Variants in ZAN observed in about 807,000 individuals in gnomAD.
ZAN encodes zonadhesin, also known as zonadhesin (gene/pseudogene).
ZAN carries 260 observed loss-of-function variants against 286.2 expected under a neutral mutation model. The observed-to-expected ratio is 0.91, with a 90% CI of 0.82 to 1.01. ZAN has a LOEUF of 1.01. Ranked by LOEUF, ZAN falls within the 50% of genes least tolerant of loss-of-function variation. The pLI is 0.00. For missense variants in ZAN, 3,410 were observed against 3,639.2 expected (o/e 0.94, Z 1.62); for synonymous variants, 1,368 against 1,417.5 (o/e 0.97, Z 0.79).
rs1044316674 is a variant in ZAN, at chr7:100,766,605, G to A, written c.4551G>A (p.Trp1517Ter). The A allele has an allele frequency of 1.9e-6, 3 of 1,556,732 alleles. No homozygotes were observed. The Admixed American group carries it at 5.8e-5, about 30-fold the overall frequency. ...ACAACAGAATTCGCTGCCAGCCCTG[G>A]AGGTGTAGGGCCCAGGAGTTCTGTG... ...ESNNRIRCQPWRCRAQEFCGQ... is the reference protein window; with the variant it reads ...ESNNRIRCQP Residue 1517 changes from tryptophan to a stop codon, truncating the protein, a stop_gained, in exon 24 of 48, where the codon TGG (tryptophan) becomes TGA (stop). Coordinates refer to ENST00000613979, the MANE Select transcript of ZAN (RefSeq NM_003386.3). LOFTEE classifies it high-confidence loss of function.
rs768028227 is a variant in ZAN, at chr7:100,795,337, G to A, written c.8266+1G>A. The A allele has an allele frequency of 1.9e-6, 3 of 1,583,298 alleles. No homozygotes were observed. Among genetic ancestry groups the A allele is most frequent in the East Asian group, 2.3e-5 (1 of 43,704 alleles). ...GATGCGCCACCTCCCAGAAAGCCAG[G>A]TGAGGGCATCGTCCAAGGCCCTGTA... On this transcript the variant is annotated splice_donor_variant, in intron 45 of 47. Coordinates refer to ENST00000613979, the MANE Select transcript of ZAN (RefSeq NM_003386.3). LOFTEE classifies it high-confidence loss of function.
Position 100,758,569 on chromosome 7 carries a change from T to C in ZAN, c.3490T>C (p.Tyr1164His). Reference protein sequence around the residue: ...ATCLVYGDPHYVTFDGRHFGF... With the variant: ...ATCLVYGDPHHVTFDGRHFGF... ...CTGCTTGGTCTACGGAGACCCTCAT[T>C]ATGTCACCTTTGACGGGAGGCACTT... Residue 1164 changes from tyrosine to histidine, a missense_variant, in exon 17 of 48, where the codon TAT becomes CAT. Physicochemically the swap from Tyr to His is moderately conservative, Grantham distance 83 (BLOSUM62 2). Around this residue, in one of 7 missense-constraint regions of ZAN, gnomAD observed 1,042 missense variants for 1,058.0 expected, o/e 0.98. Coordinates refer to ENST00000613979, the MANE Select transcript of ZAN (RefSeq NM_003386.3). The C allele has an allele frequency of 6.4e-7, 1 of 1,565,942 alleles. No homozygotes were observed. The highest frequency in any genetic ancestry group is 1.9e-5 in the Admixed American group (1 of 52,662).
chr7:100,785,971 T>C, intron 36 of ZAN, 26 bp from the exon 37 acceptor site: 1 of 1,605,176 alleles, frequency 6.2e-7, no homozygotes, highest in Admixed American at 1.7e-5. Flanking sequence ...CTCCTCACTC[T>C]CTTTCTCTTC....
intron 39 of ZAN, 90 bp downstream of exon 39, chr7:100,789,437 C>T (rs1811792317): frequency 1.9e-5 from 29 of 1,553,492 alleles, no homozygotes; most frequent in Non-Finnish European, 2.3e-5. Flanking sequence ...TCCTGGTGAG[C>T]AGACTCGGCC....
At chr7:100,743,425 CT>C (rs1456015427) in intron 7 of ZAN, among the ~76,000 whole-genome samples, 1 of 152,062 alleles carries the variant, frequency 6.6e-6, no homozygotes, top group Non-Finnish European at 1.5e-5. Context: ...TGACTTCTTC[CT>C]TTTCTCTCTC....
chr7:100,783,647 T>A (rs1409864882), intron 35 of ZAN, among the ~76,000 whole-genome samples: 2 of 138,258 alleles, frequency 1.4e-5, no homozygotes, highest in Non-Finnish European at 3.0e-5. Flanking sequence ...AGTAGGAGAA[T>A]CTCTGGAACC....
intron 37 of ZAN, 49 bp downstream of exon 37, chr7:100,786,190 G>T: frequency 6.2e-7 from 1 of 1,607,512 alleles, no homozygotes; most frequent in South Asian, 1.1e-5. Context: ...CTGTGGCCAG[G>T]GCGGAGGTGG....
chr7:100,736,707 G>A, intron 4 of ZAN, 78 bp downstream of exon 4: 1 of 1,486,166 alleles, frequency 6.7e-7, no homozygotes, highest in South Asian at 1.2e-5. Context: ...GAGAGAGAAG[G>A]GAGGCAGCCA....
intron 27 of ZAN, 79 bp from the exon 28 acceptor site, chr7:100,769,801 C>A: frequency 7.5e-7 from 1 of 1,326,510 alleles, no homozygotes; most frequent in South Asian, 1.3e-5. Flanking sequence ...CCTGCCTTGG[C>A]TTCCCAAAGT....
At chr7:100,750,076 A>ACG (rs1808541842) in intron 11 of ZAN, among the ~76,000 whole-genome samples, 2 of 148,590 alleles carry the variant, frequency 1.3e-5, no homozygotes, top group Non-Finnish European at 3.0e-5. Context: ...ACACACACAC[A>ACG]CACACACACA....
In ZAN at chr7:100,792,032, C is replaced by A; in HGVS notation, c.7596C>A (p.Ser2532=). 6.2e-7 allele frequency: 1 copy of A among 1,613,292 alleles called. No individual in the cohort carries two copies. Among genetic ancestry groups the A allele is most frequent in the Non-Finnish European group, 8.5e-7 (1 of 1,179,784 alleles). The change falls in exon 41 of 48, where the codon TCC becomes TCA. Residue 2532 remains serine, a synonymous_variant. Coordinates refer to ENST00000613979, the MANE Select transcript of ZAN (RefSeq NM_003386.3). ...ELGLRTGLQV[S]ECSPEQLASN... ...GCCTCCGCACGGGCCTCCAAGTGTCCGAATGTAGCCCGGAGCAGCTGGCGA... is the reference window on the plus strand; with the variant it reads ...GCCTCCGCACGGGCCTCCAAGTGTCAGAATGTAGCCCGGAGCAGCTGGCGA...
chr7:100,789,248 A>T lies in ZAN; in HGVS notation c.7258A>T (p.Arg2420Trp). The change falls in exon 39 of 48, where the codon AGG becomes TGG. Residue 2420 changes from arginine (R) to tryptophan (W), a missense_variant. This residue lies in a region of ZAN where 1,289 missense variants were observed against 1,314.3 expected (regional missense o/e 0.98). Transcript: ENST00000613979. ...VNNQKMAVPYRPNEHLRVTLW... is the reference protein window; with the variant it reads ...VNNQKMAVPYWPNEHLRVTLW... ...CAACCAGAAGATGGCCGTCCCCTAC[A>T]GGCCAAATGAACACCTGCGGGTCAC... is the stretch of plus-strand genomic sequence containing the variant. 1 of 1,613,888 alleles carries T rather than the reference A, an allele frequency of 6.2e-7. No homozygotes were observed. The highest frequency in any genetic ancestry group is 8.5e-7 in the Non-Finnish European group (1 of 1,179,854).
chr7:100,760,428 C>A lies in ZAN; in HGVS notation c.3734C>A (p.Ser1245Tyr). 1 of 1,613,954 alleles carries A rather than the reference C, an allele frequency of 6.2e-7. No homozygotes were observed. The highest frequency in any genetic ancestry group is 8.5e-7 in the Non-Finnish European group (1 of 1,179,884). The change falls in exon 19 of 48, where the codon TCT (serine) becomes TAT (tyrosine). Residue 1245 changes from serine to tyrosine, a missense_variant. By Grantham distance (144) the Ser-to-Tyr change is moderately radical. Around this residue, in one of 7 missense-constraint regions of ZAN, gnomAD observed 1,042 missense variants for 1,058.0 expected, o/e 0.98. Coordinates refer to ENST00000613979, the MANE Select transcript of ZAN (RefSeq NM_003386.3). ...CAAGTTACTCTCCCAGCCATACCCT[C>A]TAAAGGCGTCTTCCTGGGTGCAAGC... Reference protein sequence around the residue: ...GQQVTLPAIPSKGVFLGASGR... With the variant: ...GQQVTLPAIPYKGVFLGASGR...
intron 39 of ZAN, among the ~76,000 whole-genome samples, chr7:100,790,217 T>C (rs563333812): frequency 6.6e-6 from 1 of 152,118 alleles, no homozygotes; most frequent in African/African-American, 2.4e-5. Context: ...TGAGCCATGA[T>C]TGAGCCACTG....
intron 20 of ZAN, 66 bp downstream of exon 20, chr7:100,762,424 T>C (rs1159537417): frequency 0.052 from 56,943 of 1,092,860 alleles, 311 homozygotes; most frequent in South Asian, 0.11. Context: ...ACTCTCTTTT[T>C]TTTTTTTTTT....
At chr7:100,738,863 C>T (rs1376642350) in intron 7 of ZAN, among the ~76,000 whole-genome samples, 1 of 90,654 alleles carries the variant, frequency 1.1e-5, no homozygotes, top group Non-Finnish European at 2.7e-5. Context: ...TCTTTCTCTT[C>T]CTCTTCTTCT....
chr7:100,754,786 C>G (rs1425062109), intron 14 of ZAN, among the ~76,000 whole-genome samples: 2 of 151,898 alleles, frequency 1.3e-5, no homozygotes, highest in African/African-American at 4.8e-5. Flanking sequence ...GCCTCGGCCT[C>G]CCAAAGTCTT....
intron 15 of ZAN, among the ~76,000 whole-genome samples, chr7:100,756,626 C>A (rs1255366977): frequency 6.6e-6 from 1 of 151,952 alleles, no homozygotes; most frequent in African/African-American, 2.4e-5. Context: ...ACAGCCTGGG[C>A]AGAAAGATCT....
intron 14 of ZAN, among the ~76,000 whole-genome samples, chr7:100,754,684 A>G (rs1042922600): frequency 8.6e-5 from 13 of 151,230 alleles, no homozygotes; most frequent in Non-Finnish European, 1.8e-4. Flanking sequence ...TTGTATTTTT[A>G]GTAGAAACGG....
Sources: gnomAD v4.1 joint callset for allele counts (sites outside exome capture counted in the v4.1 genomes callset) on GRCh38, gnomAD v4.1.1 for gene constraint, gnomAD v4.1.1 regional missense constraint, MANE v1.5 for transcripts, NCBI Gene and HGNC (gene_info 2026-07-23, HGNC 2026-07-21) for gene names.